PTK2: variants seen among roughly 807,000 people sequenced by gnomAD.
The protein encoded by PTK2 is protein tyrosine kinase 2, also known as focal adhesion kinase 1.
A neutral mutation model predicts 150.1 loss-of-function variants in PTK2; 45 were observed. That is an observed-to-expected ratio of 0.30 (90% CI 0.24 to 0.38). PTK2 has a LOEUF of 0.38. Ranked by LOEUF, PTK2 falls within the 10% of genes least tolerant of loss-of-function variation. The pLI, the probability that PTK2 is intolerant of heterozygous loss-of-function variation, is 1.00. For synonymous variants in PTK2, 432 were observed against 449.2 expected, an observed-to-expected ratio of 0.96 and a Z score of 0.48; for missense variants, 919 against 1,307.3, an observed-to-expected ratio of 0.70 and a Z score of 4.58.
At chr8:140,659,788 C>G in intron 31 of PTK2, 110 bp from the exon 36 acceptor site, 1 of 948,670 alleles carries the variant, frequency 1.1e-6, no homozygotes, top group Non-Finnish European at 1.6e-6. Flanking sequence ...CTCCTGGGCT[C>G]AAGGAATCTT....
At chr8:140,773,654 G>C (rs1003932178) in intron 14 of PTK2, among the ~76,000 whole-genome samples, 3 of 152,112 alleles carry the variant, frequency 2.0e-5, no homozygotes, top group Non-Finnish European at 2.9e-5. Flanking sequence ...GAGTGGGAAG[G>C]GGGAGGTGGC....
intron 3 of PTK2, among the ~76,000 whole-genome samples, chr8:140,880,951 T>C (rs190092547): frequency 6.6e-6 from 1 of 152,218 alleles, no homozygotes; most frequent in Admixed American, 6.5e-5. Flanking sequence ...AGGTACAAAG[T>C]TGTTTACCAA....
chr8:140,882,493 T>C (rs552265362), intron 3 of PTK2, among the ~76,000 whole-genome samples: 79 of 152,282 alleles, frequency 5.2e-4, no homozygotes, highest in African/African-American at 1.9e-3. Flanking sequence ...TCCTATGAAA[T>C]ACAAAACAAT....
chr8:140,856,134 G>A (rs1480434877), intron 5 of PTK2, among the ~76,000 whole-genome samples: 5 of 152,082 alleles, frequency 3.3e-5, no homozygotes, highest in Admixed American at 6.5e-5. Flanking sequence ...AAACCACCAC[G>A]ATTCAACCAC....
intron 4 of PTK2, among the ~76,000 whole-genome samples, chr8:140,872,215 T>C (rs1344739905): frequency 6.6e-6 from 1 of 151,934 alleles, no homozygotes; most frequent in Non-Finnish European, 1.5e-5. Context: ...TGGCTAATTT[T>C]TGTACTTTTG....
At chr8:140,917,714 T>C (rs1204215744) in intron 2 of PTK2, among the ~76,000 whole-genome samples, 2 of 152,240 alleles carry the variant, frequency 1.3e-5, no homozygotes, top group African/African-American at 4.8e-5. Flanking sequence ...TAATCATTTA[T>C]GTCAACTATT....
At chr8:140,816,892 C>A (rs2100105021) in intron 10 of PTK2, among the ~76,000 whole-genome samples, 1 of 152,220 alleles carries the variant, frequency 6.6e-6, no homozygotes, top group Non-Finnish European at 1.5e-5. Flanking sequence ...AATCCAACAG[C>A]TTCTTTTAAA....
intron 2 of PTK2, among the ~76,000 whole-genome samples, chr8:140,904,468 T>C (rs569462296): frequency 8.3e-4 from 127 of 152,268 alleles, no homozygotes; most frequent in African/African-American, 3.0e-3. Flanking sequence ...CTTTTTTTCT[T>C]GTGTGTCTGC....
At chr8:140,700,517 C>T (rs2100029619) in intron 26 of PTK2, among the ~76,000 whole-genome samples, 1 of 149,888 alleles carries the variant, frequency 6.7e-6, no homozygotes, top group South Asian at 2.1e-4. Flanking sequence ...TGGAGTTTCA[C>T]TCGTCGCCCA....
chr8:140,667,467 T>TC (rs1491487322), intron 30 of PTK2, among the ~76,000 whole-genome samples: 1 of 50,972 alleles, frequency 2.0e-5, no homozygotes. Flanking sequence ...TCTCTCTCTC[T>TC]TTTTTTTTTT....
At chr8:140,810,950 C>G (rs2100101172) in intron 10 of PTK2, among the ~76,000 whole-genome samples, 2 of 152,232 alleles carry the variant, frequency 1.3e-5, no homozygotes, top group South Asian at 2.1e-4. Flanking sequence ...CAGTTGCCAA[C>G]AGGCAACCCC....
rs369812412 is a variant in PTK2 at position 140,800,545 on chromosome 8, A to G, written c.1007T>C (p.Ile336Thr). The change falls in exon 12 of 32, where the codon ATT (isoleucine) becomes ACT (threonine). Residue 336 changes from isoleucine (I) to threonine (T), a missense_variant. Ile to Thr is a moderately conservative substitution (Grantham distance 89). Coordinates refer to ENST00000522684, the Ensembl canonical transcript of PTK2. ...TATTAGGTCAGCCATATTCTCCGCA[A>G]TGGTTAGGGATGGTGCCGTCACTGT... The G allele has an allele frequency of 5.4e-5, 87 of 1,613,730 alleles. No individual in the cohort carries two copies. The African/African-American group carries it at 5.7e-4, about 11-fold the overall frequency.
intron 22 of PTK2, among the ~76,000 whole-genome samples, chr8:140,734,278 C>A (rs900382037): frequency 2.6e-5 from 4 of 152,222 alleles, no homozygotes; most frequent in African/African-American, 9.6e-5. Flanking sequence ...ACAGCACACA[C>A]TGAACCATGG....
At chr8:140,731,897 G>A (rs755339814) in intron 22 of PTK2, among the ~76,000 whole-genome samples, 65 of 152,090 alleles carry the variant, frequency 4.3e-4, no homozygotes, top group Non-Finnish European at 8.7e-4. Context: ...AGGAGACCCC[G>A]CCTCAACAAA....
At chr8:140,667,457 TC>T (rs1446792331) in intron 30 of PTK2, among the ~76,000 whole-genome samples, 4 of 72,776 alleles carry the variant, frequency 5.5e-5, no homozygotes, top group African/African-American at 1.3e-4. Context: ...TCTTTCTCTC[TC>T]TCTCTCTCTT....
At chr8:140,809,760 C>T (rs1315248999) in intron 10 of PTK2, among the ~76,000 whole-genome samples, 2 of 152,146 alleles carry the variant, frequency 1.3e-5, no homozygotes, top group African/African-American at 2.4e-5. Context: ...AAGCCTTGAT[C>T]GTGCCACTGA....
chr8:140,765,982 C>T (rs552074087), intron 14 of PTK2, among the ~76,000 whole-genome samples: 91 of 152,274 alleles, frequency 6.0e-4, no homozygotes, highest in African/African-American at 1.9e-3. Context: ...AGCTGTCTTT[C>T]CACACAACAG....
upstream of PTK2, chr8:141,002,052 C>G (rs1391075993): frequency 6.6e-6 from 1 of 152,160 alleles, no homozygotes; most frequent in Non-Finnish European, 1.5e-5. Flanking sequence ...AGGCTCGCCC[C>G]GACACCGACC....
At chr8:140,863,253 T>A (rs2100137255) in intron 5 of PTK2, among the ~76,000 whole-genome samples, 1 of 152,202 alleles carries the variant, frequency 6.6e-6, no homozygotes, top group Non-Finnish European at 1.5e-5. Context: ...TTGCTTATTA[T>A]AATATACTTT....
Sources: allele counts gnomAD v4.1 joint callset (sites outside exome capture counted in the v4.1 genomes callset), GRCh38; gene constraint gnomAD v4.1.1; transcripts MANE v1.5; gene names NCBI Gene and HGNC (gene_info 2026-07-23, HGNC 2026-07-21).